Variants in TSNARE1 observed in about 807,000 individuals in gnomAD.
TSNARE1 encodes the protein t-SNARE domain containing 1.
Under a neutral mutation model 62.0 loss-of-function variants are expected in TSNARE1, and 49 were observed. The ratio of observed to expected loss-of-function variants is 0.79; its 90% CI spans 0.63 to 1.00. The LOEUF (loss-of-function observed/expected upper bound fraction) is 1.00. Among genes scored for constraint, TSNARE1 ranks in the 50% least tolerant of loss-of-function variants. TSNARE1 has a pLI of 0.00. For missense variants in TSNARE1, 755 were observed against 700.1 expected, an observed-to-expected ratio of 1.08 and a Z score of -0.88; for synonymous variants, 328 against 294.4, an observed-to-expected ratio of 1.11 and a Z score of -1.17.
At position 142,388,046 on chromosome 8, in the gene TSNARE1, G is replaced by C. The variant is rs189597592; in HGVS notation, c.-40+15058C>G. ...AAGTACATTCACCAGCACCTTAAAAGAATTATGTATCAGAGCAAGTGAAGT... is the reference window on the plus strand; with the variant it reads ...AAGTACATTCACCAGCACCTTAAAACAATTATGTATCAGAGCAAGTGAAGT... On this transcript the variant is annotated intron_variant, in intron 1 of 13. Coordinates refer to ENST00000524325, the MANE Select transcript of TSNARE1 (RefSeq NM_145003.5). Among the ~76,000 whole-genome samples, 715 of 152,150 alleles carry C rather than the reference G, an allele frequency of 4.7e-3. 2 individuals carry two copies. Among genetic ancestry groups the C allele is most frequent in the Non-Finnish European group, 8.4e-3 (574 of 67,974 alleles).
intron 1 of TSNARE1, among the ~76,000 whole-genome samples, chr8:142,394,376 C>G (rs1195991973): frequency 6.6e-6 from 1 of 152,320 alleles, no homozygotes; most frequent in East Asian, 1.9e-4. Context: ...GGAGTGAAAG[C>G]AGTAGCTACA....
chr8:142,337,430 C>G (rs1057155518), intron 4 of TSNARE1, among the ~76,000 whole-genome samples: 4 of 152,228 alleles, frequency 2.6e-5, no homozygotes, highest in Non-Finnish European at 5.9e-5. Context: ...CTGGAGAACG[C>G]GAAAGCATCC....
chr8:142,250,144 G>A (rs1311426491), intron 12 of TSNARE1, among the ~76,000 whole-genome samples: 1 of 152,212 alleles, frequency 6.6e-6, no homozygotes, highest in Non-Finnish European at 1.5e-5. Context: ...ATTAATGCAG[G>A]CAGGCCCTGA....
chr8:142,354,867 C>G, intron 1 of TSNARE1, 104 bp from the exon 2 acceptor site: 1 of 656,334 alleles, frequency 1.5e-6, no homozygotes, highest in South Asian at 1.8e-5. Flanking sequence ...GCCCCAAGAC[C>G]CTGGCTCCAT....
At chr8:142,374,445 G>A (rs988452177) in intron 1 of TSNARE1, among the ~76,000 whole-genome samples, 3 of 151,948 alleles carry the variant, frequency 2.0e-5, no homozygotes, top group Admixed American at 2.0e-4. Context: ...TTGGGAGGCC[G>A]AGGTAGGCGG....
intron 13 of TSNARE1, 54 bp from the exon 14 acceptor site, chr8:142,212,367 A>G (rs1815581052): frequency 6.6e-6 from 1 of 152,030 alleles, no homozygotes; most frequent in Non-Finnish European, 1.5e-5. Context: ...TGACAGGGAG[A>G]GCTCAGAGTG....
intron 1 of TSNARE1, among the ~76,000 whole-genome samples, chr8:142,365,333 A>C (rs1368059116): frequency 1.3e-5 from 2 of 152,250 alleles, no homozygotes; most frequent in Non-Finnish European, 2.9e-5. Flanking sequence ...AAGGAGGCTA[A>C]AGAGACAATC....
At chr8:142,255,554 TCACCATCACCAC>T (rs2130327422) in intron 12 of TSNARE1, among the ~76,000 whole-genome samples, 2 of 15,794 alleles carry the variant, frequency 1.3e-4, no homozygotes, top group East Asian at 1.8e-3. Flanking sequence ...ACCACCACCA[TCACCATCACCAC>T]CATCACCATC....
At chr8:142,340,299 C>T (rs755054605) in intron 4 of TSNARE1, among the ~76,000 whole-genome samples, 62 of 152,332 alleles carry the variant, frequency 4.1e-4, no homozygotes, top group Non-Finnish European at 8.5e-4. Context: ...AGGAACCCTA[C>T]TTTATAGAGG....
intron 13 of TSNARE1, among the ~76,000 whole-genome samples, chr8:142,218,085 A>ATCACAGCTTAGTGT (rs1816012129): frequency 1.2e-4 from 7 of 56,218 alleles, no homozygotes; most frequent in Non-Finnish European, 1.8e-4. Flanking sequence ...GGGTTCAGAG[A>ATCACAGCTTAGTGT]GTGGCCAGGT....
chr8:142,354,891 T>G, intron 1 of TSNARE1, 128 bp from the exon 2 acceptor site: 2 of 589,958 alleles, frequency 3.4e-6, no homozygotes, highest in South Asian at 4.0e-5. Context: ...ACCCATTCCC[T>G]AGGCTACTCC....
At chr8:142,368,439 C>G (rs1007334413) in intron 1 of TSNARE1, among the ~76,000 whole-genome samples, 1 of 148,998 alleles carries the variant, frequency 6.7e-6, no homozygotes, top group African/African-American at 2.5e-5. Flanking sequence ...GAGTGCTGCC[C>G]GAACCTAACA....
At chr8:142,390,931 C>T (rs1183360735) in intron 1 of TSNARE1, among the ~76,000 whole-genome samples, 3 of 124,710 alleles carry the variant, frequency 2.4e-5, no homozygotes, top group South Asian at 3.1e-4. Flanking sequence ...CTGTAACAGA[C>T]GCTGTACACT....
chr8:142,344,589 G>T, intron 3 of TSNARE1, 117 bp from the exon 4 acceptor site: 4 of 1,126,084 alleles, frequency 3.6e-6, no homozygotes, highest in Non-Finnish European at 4.8e-6. Context: ...ACGGCTGCCT[G>T]GTCCTGGCCA....
At chr8:142,303,874 A>C (rs891999940) in intron 9 of TSNARE1, among the ~76,000 whole-genome samples, 1 of 152,186 alleles carries the variant, frequency 6.6e-6, no homozygotes, top group Non-Finnish European at 1.5e-5. Context: ...CAGCCACAGC[A>C]CCGGCCACCC....
intron 8 of TSNARE1, 146 bp from the exon 9 acceptor site, chr8:142,314,586 GCTGAGCT>G (rs1586745345): frequency 1.0e-5 from 7 of 698,420 alleles, no homozygotes; most frequent in Middle Eastern, 3.6e-4. Flanking sequence ...CGGGGCCGGG[GCTGAGCT>G]CTGCCAGCGA....
chr8:142,365,655 G>A (rs993507934), intron 1 of TSNARE1, among the ~76,000 whole-genome samples: 20 of 149,984 alleles, frequency 1.3e-4, no homozygotes, highest in African/African-American at 4.4e-4. Flanking sequence ...GGGGAACAAA[G>A]AATAAACCAA....
intron 9 of TSNARE1, among the ~76,000 whole-genome samples, chr8:142,304,010 G>A (rs2131380844): frequency 1.3e-5 from 2 of 152,374 alleles, no homozygotes; most frequent in South Asian, 4.1e-4. Flanking sequence ...GGGATGGTGA[G>A]GCTGCCCTAG....
intron 2 of TSNARE1, among the ~76,000 whole-genome samples, chr8:142,347,971 C>A (rs945931763): frequency 6.6e-6 from 1 of 152,260 alleles, no homozygotes; most frequent in Non-Finnish European, 1.5e-5. Flanking sequence ...GCTCCCCACG[C>A]CCCTCGAGGG....
Sources: gnomAD v4.1 joint callset for allele counts (sites outside exome capture counted in the v4.1 genomes callset) on GRCh38, gnomAD v4.1.1 for gene constraint, MANE v1.5 for transcripts, NCBI Gene and HGNC (gene_info 2026-07-23, HGNC 2026-07-21) for gene names.